The following NPM2 variants were observed in gnomAD, a reference collection of about 807,000 sequenced individuals.
The protein encoded by NPM2 is nucleoplasmin-2.
A neutral mutation model predicts 32.0 loss-of-function variants in NPM2; 25 were observed. That is an observed-to-expected ratio of 0.78 (90% confidence interval 0.57 to 1.09). The LOEUF (loss-of-function observed/expected upper bound fraction) is 1.09, where lower values mean the gene tolerates loss of function less well. Ranked by LOEUF, NPM2 falls within the 50% of genes least tolerant of loss-of-function variation. NPM2 has a pLI of 0.00. For synonymous variants in NPM2, 111 were observed against 94.2 expected (o/e 1.18, Z -1.04); for missense variants, 282 against 259.9 (o/e 1.08, Z -0.58).
chr8:22,033,262 C>T (rs113032397), intron 6 of NPM2, 39 bp downstream of exon 6: 58 of 1,506,842 alleles, frequency 3.8e-5, no homozygotes, highest in Middle Eastern at 3.4e-4. Context: ...CCGTGAGTAC[C>T]GTGCTAGGCA....
intron 5 of NPM2, among the ~76,000 whole-genome samples, chr8:22,030,520 G>A (rs1563354250): frequency 6.6e-6 from 1 of 152,146 alleles, no homozygotes; most frequent in African/African-American, 2.4e-5. Flanking sequence ...GATTATAGGT[G>A]TGAGCCACCA....
At chr8:22,030,154 C>T (rs1800390122) in intron 5 of NPM2, among the ~76,000 whole-genome samples, 1 of 152,184 alleles carries the variant, frequency 6.6e-6, no homozygotes, top group Non-Finnish European at 1.5e-5. Flanking sequence ...CTGCCTTATA[C>T]TGGGTAATTC....
chr8:22,034,900 G>C (rs1585523078), intron 8 of NPM2, among the ~76,000 whole-genome samples: 1 of 152,192 alleles, frequency 6.6e-6, no homozygotes, highest in Non-Finnish European at 1.5e-5. Context: ...TTGAGGTCAG[G>C]AGCTCGAGAC....
intron 5 of NPM2, among the ~76,000 whole-genome samples, chr8:22,030,650 A>G (rs1800406541): frequency 6.6e-6 from 1 of 151,638 alleles, no homozygotes; most frequent in African/African-American, 2.4e-5. Context: ...GGTTTTAAAC[A>G]TATACATATA....
At chr8:22,036,356 A>G (rs1800620191) in intron 8 of NPM2, 137 bp from the exon 9 acceptor site, 2 of 733,476 alleles carry the variant, frequency 2.7e-6, no homozygotes, top group Admixed American at 5.8e-5. Flanking sequence ...CTTTGTTTAA[A>G]GAGTCCGAGT....
chr8:22,030,884 G>C (rs1800416607), intron 5 of NPM2, among the ~76,000 whole-genome samples: 1 of 152,108 alleles, frequency 6.6e-6, no homozygotes, highest in Non-Finnish European at 1.5e-5. Context: ...CTAAGTTCTT[G>C]GTCGGGCTAG....
At chr8:22,034,085 G>C (rs1348465964) in intron 6 of NPM2, 24 bp from the exon 7 acceptor site, 1 of 1,565,266 alleles carries the variant, frequency 6.4e-7, no homozygotes, top group Non-Finnish European at 8.6e-7. Context: ...CTGTGCCCCT[G>C]CATCCTTTCC....
chr8:22,027,228 C>A (rs1468640052), intron 5 of NPM2, among the ~76,000 whole-genome samples: 1 of 152,176 alleles, frequency 6.6e-6, no homozygotes, highest in Non-Finnish European at 1.5e-5. Context: ...GGAGGGTTCT[C>A]TCCTATTCCC....
intron 5 of NPM2, among the ~76,000 whole-genome samples, chr8:22,032,137 A>G (rs985034646): frequency 2.6e-5 from 4 of 152,254 alleles, no homozygotes; most frequent in Admixed American, 6.5e-5. Flanking sequence ...GATAAAGCAG[A>G]TAAAATGCTT....
At chr8:22,032,963 G>A in intron 5 of NPM2, 167 bp from the exon 6 acceptor site, 1 of 603,730 alleles carries the variant, frequency 1.7e-6, no homozygotes, top group Admixed American at 2.7e-5. Context: ...AGCTTAGCAA[G>A]AATGGGATTA....
At chr8:22,028,133 A>G (rs1800316549) in intron 5 of NPM2, among the ~76,000 whole-genome samples, 1 of 152,102 alleles carries the variant, frequency 6.6e-6, no homozygotes, top group Non-Finnish European at 1.5e-5. Flanking sequence ...GAGGGCTTGA[A>G]TCTAGGCTGC....
At chr8:22,029,032 T>A (rs1046872279) in intron 5 of NPM2, among the ~76,000 whole-genome samples, 2 of 152,228 alleles carry the variant, frequency 1.3e-5, no homozygotes, top group East Asian at 3.8e-4. Context: ...CATTCTAATT[T>A]TTTTACTGTT....
rs1563358202 is a variant in NPM2 at position 22,036,271 on chromosome 8, C to T, written c.567-222C>T. On this transcript the variant is annotated intron_variant, in intron 8 of 9. Transcript: ENST00000518119. ...CTCAAAAACAAAACAAAACAAAAGA[C>T]ATTTGTGATAACTAAATGAAGATGG... The T allele has an allele frequency of 1.5e-5, 8 of 531,914 alleles. No individual in the cohort carries two copies. In the East Asian group the frequency reaches 2.5e-4, roughly 17 times the overall value. 32.9% of individuals were successfully genotyped at this position (531,914 alleles called of 1,614,324 possible).
chr8:22,032,025 A>C (rs1359085807), intron 5 of NPM2, among the ~76,000 whole-genome samples: 2 of 152,090 alleles, frequency 1.3e-5, no homozygotes, highest in African/African-American at 4.8e-5. Flanking sequence ...TCCTGTTTGA[A>C]CTTAGAGTTT....
In NPM2 at chr8:22,029,591, C is replaced by T. The variant is rs181165219; in HGVS notation, c.271-3539C>T. ...CTTTGTTTACCAATTAGTTTGGTTA[C>T]CACTGCTTCTAGCACCCACTTCTTC... On this transcript the variant is annotated intron_variant, in intron 5 of 9. Coordinates refer to ENST00000518119, the MANE Select transcript of NPM2 (RefSeq NM_001286680.2). Among the ~76,000 whole-genome samples the T allele has an allele frequency of 9.0e-4, 137 of 152,352 alleles. 1 individual carries two copies. Among genetic ancestry groups the T allele is most frequent in the Admixed American group, 2.6e-3 (40 of 15,310 alleles).
chr8:22,030,302 G>A lies in NPM2; in HGVS notation c.271-2828G>A, dbSNP rs868594487. ...TGCCTAGGTTGGAGTGCAGTGGCCT[G>A]ATCATGGCTCACTGCAGCCTCAAAC... is the stretch of plus-strand genomic sequence containing the variant. On this transcript the variant is annotated intron_variant, in intron 5 of 9. Coordinates refer to ENST00000518119, the MANE Select transcript of NPM2 (RefSeq NM_001286680.2). Among the ~76,000 whole-genome samples, 13 of 152,242 alleles carry A rather than the reference G, an allele frequency of 8.5e-5. No homozygotes were observed. The South Asian group carries it at 2.1e-3, about 24-fold the overall frequency.
chr8:22,029,473 T>C (rs1409109508), intron 5 of NPM2, among the ~76,000 whole-genome samples: 6 of 152,168 alleles, frequency 3.9e-5, no homozygotes, highest in Non-Finnish European at 7.4e-5. Flanking sequence ...TTCAATATTA[T>C]TATCAAGTGT....
At chr8:22,025,588 T>C in intron 4 of NPM2, 59 bp from the exon 5 acceptor site, 2 of 1,613,870 alleles carry the variant, frequency 1.2e-6, no homozygotes, top group South Asian at 1.1e-5. Flanking sequence ...CGGAGGGCTA[T>C]GGATTTCTCC....
At chr8:22,026,423 T>A (rs947418638) in intron 5 of NPM2, among the ~76,000 whole-genome samples, 2 of 151,540 alleles carry the variant, frequency 1.3e-5, no homozygotes, top group Non-Finnish European at 2.9e-5. Context: ...TTTCTATGCA[T>A]ATAATAATTG....
Sources: gnomAD v4.1 joint callset for allele counts (sites outside exome capture counted in the v4.1 genomes callset) on GRCh38, gnomAD v4.1.1 for gene constraint, MANE v1.5 for transcripts, NCBI Gene and HGNC (gene_info 2026-07-23, HGNC 2026-07-21) for gene names.